VWA2: variants seen among roughly 807,000 people sequenced by gnomAD.
VWA2 encodes von Willebrand factor A domain containing 2, also known as von Willebrand factor A domain-containing protein 2.
VWA2 carries 73 observed loss-of-function variants against 70.4 expected under a neutral mutation model. The ratio of observed to expected loss-of-function variants is 1.04; its 90% CI spans 0.86 to 1.26. The LOEUF is 1.26. VWA2 is among the 50% of genes most tolerant of loss of function. The pLI is 0.00. For missense variants in VWA2, 1,011 were observed against 998.5 expected, an observed-to-expected ratio of 1.01 and a Z score of -0.17; for synonymous variants, 407 against 423.3, an observed-to-expected ratio of 0.96 and a Z score of 0.47.
At position 114,260,729 on chromosome 10, in the gene VWA2, G is replaced by A. The variant is rs199720623; in HGVS notation, c.262-457G>A. On this transcript the variant is annotated intron_variant, in intron 4 of 13. Coordinates refer to ENST00000392982, the MANE Select transcript of VWA2 (RefSeq NM_001272046.2). ...CCTGGGCAAGTAAGCATTTGCCTTG[G>A]GCCAGAGGTATATATTCTCCATATT... 1.3e-4 allele frequency among the ~76,000 whole-genome samples: 20 copies of A among 152,290 alleles called. No individual in the cohort carries two copies. The East Asian group carries it at 2.5e-3, about 19-fold the overall frequency.
At chr10:114,283,940 A>T (rs1271843326) in intron 9 of VWA2, among the ~76,000 whole-genome samples, 1 of 152,260 alleles carries the variant, frequency 6.6e-6, no homozygotes, top group Non-Finnish European at 1.5e-5. Context: ...GTAAGCAAAA[A>T]GGACAAGAAA....
intron 5 of VWA2, among the ~76,000 whole-genome samples, chr10:114,261,826 G>A (rs1770180097): frequency 6.6e-6 from 1 of 152,134 alleles, no homozygotes; most frequent in Non-Finnish European, 1.5e-5. Context: ...CCTGAGGCTG[G>A]GTAAATTATG....
intron 6 of VWA2, among the ~76,000 whole-genome samples, chr10:114,275,571 T>A (rs1478729326): frequency 6.8e-6 from 1 of 147,034 alleles, no homozygotes; most frequent in Non-Finnish European, 1.5e-5. Flanking sequence ...ACTGGACCAG[T>A]ATTTTGTTTT....
intron 1 of VWA2, among the ~76,000 whole-genome samples, chr10:114,240,254 G>A (rs2036952080): frequency 6.6e-6 from 1 of 152,178 alleles, no homozygotes; most frequent in Non-Finnish European, 1.5e-5. Context: ...TTCCAATAAG[G>A]CTAACAAAAC....
intron 5 of VWA2, among the ~76,000 whole-genome samples, chr10:114,267,557 C>T (rs1045245966): frequency 6.6e-5 from 10 of 150,756 alleles, no homozygotes; most frequent in African/African-American, 1.2e-4. Flanking sequence ...CTCAGCCTCC[C>T]GATAGCTGGG....
chr10:114,267,454 ACAGGGTCTTTCT>A (rs1192877020), intron 5 of VWA2, among the ~76,000 whole-genome samples: 2 of 146,972 alleles, frequency 1.4e-5, no homozygotes, highest in Admixed American at 6.8e-5. Flanking sequence ...TATTTTTAAG[ACAGGGTCTTTCT>A]CTGTCACCCA....
intron 11 of VWA2, among the ~76,000 whole-genome samples, chr10:114,286,760 A>G (rs1188946256): frequency 6.6e-6 from 1 of 152,248 alleles, no homozygotes; most frequent in Non-Finnish European, 1.5e-5. Flanking sequence ...TGCTTAGTAC[A>G]GAGTAAGCAC....
intron 5 of VWA2, among the ~76,000 whole-genome samples, chr10:114,262,135 C>T (rs1276046680): frequency 6.6e-6 from 1 of 152,158 alleles, no homozygotes; most frequent in Non-Finnish European, 1.5e-5. Flanking sequence ...CACTGGATTA[C>T]AGTTCAACAT....
chr10:114,245,109 C>G (rs989898019), intron 1 of VWA2, among the ~76,000 whole-genome samples: 2 of 152,200 alleles, frequency 1.3e-5, no homozygotes, highest in Non-Finnish European at 2.9e-5. Flanking sequence ...GCAGAGCCAA[C>G]ACCGTCTGAT....
chr10:114,274,565 C>T (rs976006985), intron 6 of VWA2, among the ~76,000 whole-genome samples: 1 of 152,164 alleles, frequency 6.6e-6, no homozygotes, highest in African/African-American at 2.4e-5. Context: ...ACCTCCGCCT[C>T]CTGGGTTCAA....
chr10:114,260,017 C>T (rs944557595), intron 4 of VWA2, among the ~76,000 whole-genome samples: 4 of 152,134 alleles, frequency 2.6e-5, no homozygotes, highest in Admixed American at 6.5e-5. Context: ...GGAACGGCAG[C>T]GAGGGAATTC....
intron 7 of VWA2, 53 bp downstream of exon 7, chr10:114,278,100 G>A: frequency 6.3e-7 from 1 of 1,576,578 alleles, no homozygotes; most frequent in Admixed American, 1.7e-5. Context: ...GTCGGGGAGG[G>A]CTCCCTGAGG....
At chr10:114,256,587 A>G (rs2037333016) in intron 4 of VWA2, among the ~76,000 whole-genome samples, 2 of 152,172 alleles carry the variant, frequency 1.3e-5, no homozygotes, top group Non-Finnish European at 2.9e-5. Context: ...TGGATTTTGA[A>G]TCACGTGAAC....
At chr10:114,283,847 G>A (rs2038514222) in intron 9 of VWA2, among the ~76,000 whole-genome samples, 1 of 152,198 alleles carries the variant, frequency 6.6e-6, no homozygotes, top group African/African-American at 2.4e-5. Context: ...GAAGTGCCTA[G>A]ACTTAGCCTC....
chr10:114,248,405 T>G (rs956401686), intron 1 of VWA2, among the ~76,000 whole-genome samples: 1 of 152,140 alleles, frequency 6.6e-6, no homozygotes, highest in African/African-American at 2.4e-5. Context: ...GCCTCTTAAC[T>G]CTGGGGAGAG....
At chr10:114,274,100 T>C (rs2133366491) in intron 6 of VWA2, among the ~76,000 whole-genome samples, 1 of 152,110 alleles carries the variant, frequency 6.6e-6, no homozygotes, top group South Asian at 2.1e-4. Context: ...GGGCAGCAGG[T>C]AGGCTGGCGA....
intron 11 of VWA2, among the ~76,000 whole-genome samples, chr10:114,287,025 C>T (rs1288425260): frequency 6.6e-6 from 1 of 152,184 alleles, no homozygotes; most frequent in Non-Finnish European, 1.5e-5. Flanking sequence ...AGGATACTTA[C>T]CCTGTCTACT....
rs920238344 is a variant in VWA2 at position 114,291,779 on chromosome 10, G to A, written c.*542G>A. On this transcript the variant is annotated 3_prime_UTR_variant, in exon 14 of 14. Coordinates refer to ENST00000392982, the MANE Select transcript of VWA2 (RefSeq NM_001272046.2). ...GATGCATTTGCATTGAGTCTGAAAG[G>A]GGGCTTGAGGGACGTTTGTGACTTC... Among the ~76,000 whole-genome samples the A allele has an allele frequency of 6.6e-6, 1 of 152,220 alleles. No homozygotes were observed. The highest frequency in any genetic ancestry group is 1.5e-5 in the Non-Finnish European group (1 of 68,038).
chr10:114,276,630 C>A (rs2037848661), intron 6 of VWA2, among the ~76,000 whole-genome samples: 1 of 151,186 alleles, frequency 6.6e-6, no homozygotes, highest in South Asian at 2.1e-4. Context: ...ACCCAAGTAG[C>A]TGAAGTAGCT....
Sources: gnomAD v4.1 joint callset for allele counts (sites outside exome capture counted in the v4.1 genomes callset) on GRCh38, gnomAD v4.1.1 for gene constraint, MANE v1.5 for transcripts, NCBI Gene and HGNC (gene_info 2026-07-23, HGNC 2026-07-21) for gene names.